The following COL18A1 variants were observed in gnomAD, a reference collection of about 807,000 sequenced individuals.
COL18A1 encodes collagen alpha-1(XVIII) chain.
A neutral mutation model predicts 168.0 loss-of-function variants in COL18A1; 133 were observed. That is an observed-to-expected ratio of 0.79 (90% CI 0.69 to 0.91). The LOEUF (loss-of-function observed/expected upper bound fraction) is 0.91. Among genes scored for constraint, COL18A1 ranks in the 40% least tolerant of loss-of-function variants. The probability of loss-of-function intolerance (pLI) is 0.00; values close to 1 mark genes in which losing one functional copy is unlikely to be tolerated. For synonymous variants in COL18A1, 949 were observed against 809.0 expected (o/e 1.17, Z -2.94); for missense variants, 2,126 against 1,925.4 (o/e 1.10, Z -1.95).
At chr21:45,484,459 A>G (rs2036033540) in intron 15 of COL18A1, among the ~76,000 whole-genome samples, 1 of 151,328 alleles carries the variant, frequency 6.6e-6, no homozygotes, top group Non-Finnish European at 1.5e-5. Context: ...GCATGTGTGC[A>G]CACACATGCA....
At chr21:45,494,488 G>T in intron 26 of COL18A1, 57 bp from the exon 27 acceptor site, 1 of 1,612,640 alleles carries the variant, frequency 6.2e-7, no homozygotes, top group Non-Finnish European at 8.5e-7. Flanking sequence ...CCTCAGAGAG[G>T]CTGCCAGGTG....
At position 45,480,689 on chromosome 21, in the gene COL18A1, C is replaced by G. The variant is rs770058099; in HGVS notation, c.1453-11C>G. On this transcript the variant is annotated splice_polypyrimidine_tract_variant and intron_variant, in intron 12 of 41. Coordinates refer to ENST00000651438, the MANE Select transcript of COL18A1 (RefSeq NM_001379500.1). ...CATGGGCTGTGACTATCTGTGTTCG[C>G]CCACGTCCAGGGTCCTCGAGGCTTC... The G allele has an allele frequency of 1.9e-6, 3 of 1,610,744 alleles. No homozygotes were observed. Among genetic ancestry groups the G allele is most frequent in the Non-Finnish European group, 2.5e-6 (3 of 1,179,964 alleles).
Position 45,468,360 on chromosome 21 carries a change from C to T in COL18A1, c.225C>T (p.Asn75=), listed in dbSNP as rs1326159458. 2.1e-5 allele frequency: 34 copies of T among 1,613,690 alleles called. No homozygotes were observed. Among genetic ancestry groups the T allele is most frequent in the Non-Finnish European group, 2.7e-5 (32 of 1,180,056 alleles). Residue 75 remains asparagine (N), a synonymous_variant, in exon 3 of 42, where the codon AAC becomes AAT. Coordinates refer to ENST00000651438, the MANE Select transcript of COL18A1 (RefSeq NM_001379500.1). ...CCTACGTCTTTGGGCCAGATGCCAA[C>T]AGTGGCCAAGTGGCCCGGTACCACT... is the stretch of plus-strand genomic sequence containing the variant. The part of the protein sequence containing the change: ...GLAYVFGPDA[N]SGQVARYHFP...
chr21:45,440,397 G>A (rs1290725072), intron 2 of COL18A1, among the ~76,000 whole-genome samples: 1 of 152,222 alleles, frequency 6.6e-6, no homozygotes, highest in East Asian at 1.9e-4. Flanking sequence ...GGAGTTGCTG[G>A]GTGGGCTCCT....
rs767984590 is a variant in COL18A1, at chr21:45,494,882, G to A, written c.2400G>A (p.Gly800=). Residue 800 remains glycine, a synonymous_variant, in exon 28 of 42, where the codon GGG becomes GGA. Transcript: ENST00000651438. ...TGCAGGGTCCATACGGACGGCCGGGGTACAAGGGAGAGATTGGCTTTCCTG... is the reference window on the plus strand; with the variant it reads ...TGCAGGGTCCATACGGACGGCCGGGATACAAGGGAGAGATTGGCTTTCCTG... The part of the protein sequence containing the change: ...RGPPGPYGRP[G]YKGEIGFPGR... 2 of 1,610,778 alleles carry A rather than the reference G, an allele frequency of 1.2e-6. No homozygotes were observed. The highest frequency in any genetic ancestry group is 1.1e-5 in the South Asian group (1 of 90,644).
chr21:45,426,246 A>G (rs767833359), intron 2 of COL18A1, among the ~76,000 whole-genome samples: 5 of 152,098 alleles, frequency 3.3e-5, no homozygotes, highest in Non-Finnish European at 5.9e-5. Flanking sequence ...CTGGAATTAC[A>G]GGCGCCCGCC....
At chr21:45,459,800 C>T (rs111456851) in intron 2 of COL18A1, among the ~76,000 whole-genome samples, 4,273 of 152,116 alleles carry the variant, frequency 0.028, 212 homozygotes, top group African/African-American at 0.097. Context: ...TTGGGCTGCC[C>T]GGGACACTGC....
chr21:45,437,561 C>G (rs1270158384), intron 2 of COL18A1, among the ~76,000 whole-genome samples: 4 of 63,152 alleles, frequency 6.3e-5, no homozygotes, highest in Non-Finnish European at 9.0e-5. Context: ...CACACACACA[C>G]AGACACAGGC....
chr21:45,495,721 C>T lies in COL18A1; in HGVS notation c.2508+289C>T, dbSNP rs112580070. On this transcript the variant is annotated intron_variant, in intron 29 of 41. Transcript: ENST00000651438. ...CCATACACACGCGCACACATACACG[C>T]ACACACACATCCACACGTGCTCATG... The T allele has an allele frequency of 6.7e-4, 284 of 422,192 alleles. 1 individual carries two copies. The highest frequency in any genetic ancestry group is 1.1e-3 in the Non-Finnish European group (251 of 222,760). 26.2% of individuals were successfully genotyped at this position (422,192 alleles called of 1,614,324 possible).
In COL18A1 at chr21:45,448,568, C is replaced by T. The variant is rs564729558; in HGVS notation, c.107-19674C>T. ...CTGCATACCCACATGCAAGTACAGA[C>T]GCTCGCTGAGGTGAGCCGCAGCATC... is the stretch of plus-strand genomic sequence containing the variant. On this transcript the variant is annotated intron_variant, in intron 2 of 41. Transcript: ENST00000651438. Among the ~76,000 whole-genome samples, 11 of 152,242 alleles carry T rather than the reference C, an allele frequency of 7.2e-5. No individual in the cohort carries two copies. The East Asian group carries it at 7.7e-4, about 11-fold the overall frequency.
intron 38 of COL18A1, among the ~76,000 whole-genome samples, chr21:45,508,455 A>ATGGG (rs2037374424): frequency 8.3e-6 from 1 of 120,230 alleles, no homozygotes; most frequent in African/African-American, 3.2e-5. Context: ...GGGTGAGTGG[A>ATGGG]TGGGTGGATG....
intron 3 of COL18A1, among the ~76,000 whole-genome samples, chr21:45,472,041 C>T (rs890290071): frequency 2.6e-5 from 4 of 152,110 alleles, no homozygotes; most frequent in African/African-American, 4.8e-5. Context: ...GTCGGCCCCT[C>T]GGGGGCACTC....
chr21:45,439,909 G>C (rs2034322732), intron 2 of COL18A1, among the ~76,000 whole-genome samples: 1 of 152,262 alleles, frequency 6.6e-6, no homozygotes, highest in Non-Finnish European at 1.5e-5. Flanking sequence ...CCTGGGAGAT[G>C]GGAGTGTTTG....
intron 2 of COL18A1, among the ~76,000 whole-genome samples, chr21:45,427,160 T>C (rs909760837): frequency 8.5e-5 from 13 of 152,206 alleles, no homozygotes; most frequent in Non-Finnish European, 1.9e-4. Flanking sequence ...TCAGTGTTAA[T>C]GGCAGCCACG....
At chr21:45,421,363 A>T in intron 2 of COL18A1, 1 of 527,378 alleles carries the variant, frequency 1.9e-6, no homozygotes, top group South Asian at 1.4e-5. Flanking sequence ...GCCTCAGGAG[A>T]GCTGGGAAGG....
At chr21:45,501,361 G>C (rs1459493634) in intron 32 of COL18A1, among the ~76,000 whole-genome samples, 2 of 152,086 alleles carry the variant, frequency 1.3e-5, no homozygotes, top group African/African-American at 4.8e-5. Flanking sequence ...CGTCACCTGC[G>C]AAGGTCTCCA....
chr21:45,504,634 C>G, intron 34 of COL18A1, 78 bp downstream of exon 34: 4 of 1,328,906 alleles, frequency 3.0e-6, no homozygotes, highest in Non-Finnish European at 4.2e-6. Flanking sequence ...CCAGCCCGGC[C>G]TTCGACACCC....
intron 13 of COL18A1, among the ~76,000 whole-genome samples, chr21:45,481,068 G>T (rs931258774): frequency 1.3e-5 from 2 of 152,210 alleles, no homozygotes; most frequent in East Asian, 1.9e-4. Flanking sequence ...GGTTCTAGGG[G>T]TGCTGACCAG....
Position 45,463,981 on chromosome 21 carries a change from C to T in COL18A1, c.107-4261C>T, listed in dbSNP as rs1004328346. Reference sequence around the variant, plus strand: ...GTGCAGGTGTCTAGCCTGGATGCCACCCAGCTATGCCAAATGCGGGGAGAA... The same window carrying T: ...GTGCAGGTGTCTAGCCTGGATGCCATCCAGCTATGCCAAATGCGGGGAGAA... On this transcript the variant is annotated intron_variant, in intron 2 of 41. Coordinates refer to ENST00000651438, the MANE Select transcript of COL18A1 (RefSeq NM_001379500.1). The surrounding 1 kb of genome is among the most constrained non-coding windows in gnomAD (Gnocchi z 4.0). Among the ~76,000 whole-genome samples the T allele has an allele frequency of 2.0e-5, 3 of 152,226 alleles. No homozygotes were observed. The highest frequency in any genetic ancestry group is 7.2e-5 in the African/African-American group (3 of 41,462).
Sources: gnomAD v4.1 joint callset for allele counts (sites outside exome capture counted in the v4.1 genomes callset) on GRCh38, gnomAD v4.1.1 for gene constraint, Gnocchi (gnomAD v3.1) non-coding constraint, MANE v1.5 for transcripts, NCBI Gene and HGNC (gene_info 2026-07-23, HGNC 2026-07-21) for gene names.